The following SRBD1 variants were observed in gnomAD, a reference collection of about 807,000 sequenced individuals.
The protein encoded by SRBD1 is S1 RNA binding domain 1, also known as S1 RNA-binding domain-containing protein 1.
SRBD1 carries 88 observed loss-of-function variants against 115.3 expected under a neutral mutation model. The ratio of observed to expected loss-of-function variants is 0.76; its 90% CI spans 0.64 to 0.91. The LOEUF (loss-of-function observed/expected upper bound fraction) is 0.91, where lower values mean the gene tolerates loss of function less well. SRBD1 is among the 40% of genes least tolerant of loss of function. The pLI is 0.00. For synonymous variants in SRBD1, 509 were observed against 407.7 expected, an observed-to-expected ratio of 1.25 and a Z score of -2.99; for missense variants, 1,385 against 1,177.4, an observed-to-expected ratio of 1.18 and a Z score of -2.58.
At chr2:45,566,366 T>A (rs1270696207) in intron 9 of SRBD1, among the ~76,000 whole-genome samples, 1 of 152,174 alleles carries the variant, frequency 6.6e-6, no homozygotes, top group East Asian at 1.9e-4. Flanking sequence ...AATGTAATAT[T>A]ACGTAGCAAT....
At chr2:45,610,128 A>C (rs1303161023) in intron 1 of SRBD1, among the ~76,000 whole-genome samples, 1 of 152,192 alleles carries the variant, frequency 6.6e-6, no homozygotes, top group Non-Finnish European at 1.5e-5. Context: ...AAACTATCTT[A>C]ATCACTGTAG....
intron 20 of SRBD1, among the ~76,000 whole-genome samples, chr2:45,390,540 C>T (rs557274967): frequency 2.9e-4 from 44 of 152,322 alleles, no homozygotes; most frequent in African/African-American, 1.0e-3. Context: ...TTTATCCATG[C>T]TCCTCCTGAA....
At chr2:45,513,576 T>G (rs1443046909) in intron 14 of SRBD1, among the ~76,000 whole-genome samples, 1 of 152,160 alleles carries the variant, frequency 6.6e-6, no homozygotes, top group African/African-American at 2.4e-5. Context: ...AAAAACTATT[T>G]GGCAGAGTTT....
intron 16 of SRBD1, among the ~76,000 whole-genome samples, chr2:45,436,179 G>T (rs982952482): frequency 5.9e-5 from 9 of 151,928 alleles, no homozygotes; most frequent in African/African-American, 2.2e-4. Flanking sequence ...CCTAGCTGCA[G>T]AAAAAGCACT....
At chr2:45,546,392 T>C (rs1672119971) in intron 14 of SRBD1, 1 of 957,198 alleles carries the variant, frequency 1.0e-6, no homozygotes, top group African/African-American at 1.8e-5. Flanking sequence ...TTATTCACAG[T>C]CTACTAGCTG....
chr2:45,452,104 AC>A (rs1283130642), intron 16 of SRBD1, among the ~76,000 whole-genome samples: 1 of 152,020 alleles, frequency 6.6e-6, no homozygotes. Flanking sequence ...AATAAATGCT[AC>A]AAACTGTTCA....
chr2:45,393,290 A>C (rs563205406), intron 19 of SRBD1, among the ~76,000 whole-genome samples, 161 bp from the exon 20 acceptor site: 1 of 152,218 alleles, frequency 6.6e-6, no homozygotes, highest in Non-Finnish European at 1.5e-5. Flanking sequence ...AACTGTCCTG[A>C]AAAAGAAAAG....
At chr2:45,540,242 G>A (rs1667917982) in intron 14 of SRBD1, among the ~76,000 whole-genome samples, 1 of 152,012 alleles carries the variant, frequency 6.6e-6, no homozygotes. Context: ...TCAGGAGGCT[G>A]AGGCAGGAGA....
At chr2:45,572,134 G>A (rs1170368865) in intron 9 of SRBD1, among the ~76,000 whole-genome samples, 4 of 152,094 alleles carry the variant, frequency 2.6e-5, no homozygotes, top group Non-Finnish European at 4.4e-5. Flanking sequence ...CAGCAAGAGA[G>A]AAGAGACTTG....
intron 14 of SRBD1, among the ~76,000 whole-genome samples, chr2:45,488,577 T>C (rs1431198258): frequency 6.6e-6 from 1 of 152,234 alleles, no homozygotes; most frequent in African/African-American, 2.4e-5. Context: ...AGAAATCAGT[T>C]GCTTTCTCTG....
At chr2:45,446,266 T>C (rs1467134696) in intron 16 of SRBD1, among the ~76,000 whole-genome samples, 2 of 152,156 alleles carry the variant, frequency 1.3e-5, no homozygotes, top group Admixed American at 1.3e-4. Context: ...TCAATCCTGA[T>C]AGAAAGCTGA....
At position 45,601,947 on chromosome 2, in the gene SRBD1, G is replaced by C. The variant is rs1674105495; in HGVS notation, c.217C>G (p.Gln73Glu). The C allele has an allele frequency of 6.2e-7, 1 of 1,614,086 alleles. No homozygotes were observed. ...ACGACTTCTGAGCCATCACTGATCT[G>C]TGGGGCATTCTTCTTCACCCGAGGC... ...RMPRVKKNAP[Q>E]ISDGSEVVVV... The change falls in exon 3 of 21, where the codon CAG (glutamine) becomes GAG (glutamate). Residue 73 changes from glutamine (Q) to glutamate (E), a missense_variant. Transcript: ENST00000263736.
intron 16 of SRBD1, among the ~76,000 whole-genome samples, chr2:45,429,598 T>C (rs1031387450): frequency 6.6e-6 from 1 of 152,186 alleles, no homozygotes; most frequent in Non-Finnish European, 1.5e-5. Context: ...TCAACACCCC[T>C]TCATGCTAAA....
At chr2:45,555,652 A>G (rs1470611679) in intron 10 of SRBD1, among the ~76,000 whole-genome samples, 2 of 151,724 alleles carry the variant, frequency 1.3e-5, no homozygotes, top group Non-Finnish European at 2.9e-5. Context: ...ATACCCGGCT[A>G]ATTTTTTGTT....
At chr2:45,609,244 A>G (rs1182865481) in intron 1 of SRBD1, among the ~76,000 whole-genome samples, 2 of 152,234 alleles carry the variant, frequency 1.3e-5, no homozygotes, top group Admixed American at 6.5e-5. Flanking sequence ...ATCATCCTCC[A>G]AAGTTCCATT....
At chr2:45,415,590 T>A (rs986333007) in intron 18 of SRBD1, among the ~76,000 whole-genome samples, 6 of 136,670 alleles carry the variant, frequency 4.4e-5, no homozygotes, top group Non-Finnish European at 7.8e-5. Context: ...AACAAAAATA[T>A]ACATAAAATA....
chr2:45,434,003 C>T (rs1021974329), intron 16 of SRBD1, among the ~76,000 whole-genome samples: 2 of 152,100 alleles, frequency 1.3e-5, no homozygotes, highest in African/African-American at 4.8e-5. Context: ...TGAAGCATGG[C>T]CAGTGGTCAT....
chr2:45,430,168 T>A (rs1019748761), intron 16 of SRBD1, among the ~76,000 whole-genome samples: 2 of 152,182 alleles, frequency 1.3e-5, no homozygotes, highest in African/African-American at 4.8e-5. Context: ...AAACATTCCA[T>A]GCTCATGGAT....
intron 10 of SRBD1, among the ~76,000 whole-genome samples, chr2:45,559,481 A>G (rs1009099221): frequency 6.6e-5 from 10 of 151,916 alleles, no homozygotes; most frequent in Non-Finnish European, 1.2e-4. Context: ...ATCTCAACAT[A>G]CTCGTAATGA....
Sources: gnomAD v4.1 joint callset for allele counts (sites outside exome capture counted in the v4.1 genomes callset) on GRCh38, gnomAD v4.1.1 for gene constraint, MANE v1.5 for transcripts, NCBI Gene and HGNC (gene_info 2026-07-23, HGNC 2026-07-21) for gene names.